Variants in CCSER1 observed in about 807,000 individuals in gnomAD.
The protein encoded by CCSER1 is coiled-coil serine rich protein 1.
CCSER1 carries 41 observed loss-of-function variants against 82.0 expected under a neutral mutation model. The observed-to-expected ratio is 0.50, with a 90% confidence interval of 0.39 to 0.65. The LOEUF is 0.65. Ranked by LOEUF, CCSER1 falls within the 30% of genes least tolerant of loss-of-function variation. CCSER1 has a pLI of 0.00. For missense variants in CCSER1, 1,119 were observed against 1,064.2 expected (o/e 1.05, Z -0.72); for synonymous variants, 414 against 383.9 (o/e 1.08, Z -0.92).
chr4:91,471,762 G>A (rs1368857028), intron 10 of CCSER1, among the ~76,000 whole-genome samples: 1 of 151,944 alleles, frequency 6.6e-6, no homozygotes. Flanking sequence ...TAAAGAAGGA[G>A]ATCAAGACCA....
intron 4 of CCSER1, among the ~76,000 whole-genome samples, chr4:90,402,815 T>A (rs1432580074): frequency 6.6e-6 from 1 of 152,234 alleles, no homozygotes; most frequent in Admixed American, 6.5e-5. Flanking sequence ...ATAATGGTAC[T>A]GTGTACTTCA....
At chr4:91,019,270 C>G (rs1407477548) in intron 9 of CCSER1, among the ~76,000 whole-genome samples, 3 of 151,796 alleles carry the variant, frequency 2.0e-5, no homozygotes, top group East Asian at 3.9e-4. Flanking sequence ...TGGACTGTCT[C>G]TCTCATTTAA....
chr4:90,591,929 C>T (rs1227204135), intron 5 of CCSER1, among the ~76,000 whole-genome samples: 1 of 152,098 alleles, frequency 6.6e-6, no homozygotes, highest in Non-Finnish European at 1.5e-5. Context: ...CACATTAACA[C>T]AGGAAGAGGA....
In CCSER1 at chr4:90,628,137, A is replaced by C. The variant is rs202243228; in HGVS notation, c.1837A>C (p.Asn613His). The stretch of plus-strand genomic sequence containing the variant: ...TTGGCCTCTACAAGGTGTGGAAGAA[A>C]ACGGAGGCATAGATTCTCTGCCATT... ...ADWPLQGVEE[N>H]GGIDSLPFRL... is the part of the protein sequence containing the mutation. The change falls in exon 6 of 11, where the codon AAC becomes CAC. Residue 613 changes from asparagine (N) to histidine (H), a missense_variant. Transcript: ENST00000509176. 3.6e-4 allele frequency: 578 copies of C among 1,613,856 alleles called. 3 individuals carry two copies. Among genetic ancestry groups the C allele is most frequent in the Middle Eastern group, 2.0e-3 (12 of 6,058 alleles).
intron 3 of CCSER1, among the ~76,000 whole-genome samples, chr4:90,331,772 C>T (rs769646855): frequency 4.0e-5 from 6 of 151,274 alleles, no homozygotes; most frequent in Admixed American, 3.3e-4. Context: ...TGTGGACTAC[C>T]ATGAGCCAGA....
Position 90,534,441 on chromosome 4 carries a change from T to TTGTGTGTGTG in CCSER1, c.1724+66126_1724+66135dup, listed in dbSNP as rs376987549. 5.6e-3 allele frequency among the ~76,000 whole-genome samples: 766 copies of TTGTGTGTGTG among 136,452 alleles called. 2 individuals carry two copies. The highest frequency in any genetic ancestry group is 0.015 in the Middle Eastern group (4 of 264). 89.5% of individuals were successfully genotyped at this position (136,452 alleles called of 152,430 possible). On this transcript the variant is annotated intron_variant, in intron 5 of 10. Coordinates refer to ENST00000509176, the MANE Select transcript of CCSER1 (RefSeq NM_001145065.2). ...ACCGAGCCCAGGCTGTGCCAGCCTTTTGTGTGTGTGTGTGTGTGTGTGTGT... is the reference window on the plus strand; with the variant it reads ...ACCGAGCCCAGGCTGTGCCAGCCTTTTGTGTGTGTGTGTGTGTGTGTGTGTGTGTGTGTGT...
At chr4:91,348,945 GC>G (rs1192577369) in intron 10 of CCSER1, among the ~76,000 whole-genome samples, 3 of 151,892 alleles carry the variant, frequency 2.0e-5, no homozygotes, top group Admixed American at 6.6e-5. Flanking sequence ...GTCTCACTCT[GC>G]CCCCCAGGCT....
At chr4:91,377,910 T>A (rs904956630) in intron 10 of CCSER1, among the ~76,000 whole-genome samples, 14 of 152,362 alleles carry the variant, frequency 9.2e-5, no homozygotes, top group African/African-American at 3.4e-4. Context: ...TTAATCCATC[T>A]TGAATTAATT....
At chr4:91,098,710 T>C (rs1455350161) in intron 10 of CCSER1, among the ~76,000 whole-genome samples, 1 of 151,928 alleles carries the variant, frequency 6.6e-6, no homozygotes, top group Non-Finnish European at 1.5e-5. Flanking sequence ...CCCAGCTAAT[T>C]TTTTGTATTT....
At chr4:91,342,942 C>G (rs1747809272) in intron 10 of CCSER1, among the ~76,000 whole-genome samples, 1 of 151,852 alleles carries the variant, frequency 6.6e-6, no homozygotes, top group Admixed American at 6.6e-5. Flanking sequence ...CTCCTTTAAG[C>G]AAAAAATTTA....
chr4:91,232,115 C>A (rs1199790070), intron 10 of CCSER1, among the ~76,000 whole-genome samples: 2 of 151,770 alleles, frequency 1.3e-5, no homozygotes, highest in Non-Finnish European at 3.0e-5. Context: ...GGATATAGAA[C>A]ACACTATAAA....
intron 10 of CCSER1, among the ~76,000 whole-genome samples, chr4:91,586,433 T>G (rs1763997506): frequency 6.6e-6 from 1 of 151,604 alleles, no homozygotes; most frequent in East Asian, 1.9e-4. Flanking sequence ...GTTGGAAAAG[T>G]GCCCAGCAAA....
intron 10 of CCSER1, among the ~76,000 whole-genome samples, chr4:91,124,283 CAT>C (rs1398003322): frequency 6.6e-6 from 1 of 151,674 alleles, no homozygotes; most frequent in Non-Finnish European, 1.5e-5. Flanking sequence ...TGCAACCAAA[CAT>C]AGTGTAAATA....
intron 10 of CCSER1, among the ~76,000 whole-genome samples, chr4:91,262,000 C>G (rs17018283): frequency 6.6e-6 from 1 of 151,690 alleles, no homozygotes; most frequent in Admixed American, 6.6e-5. Flanking sequence ...AATTTTTAAC[C>G]TCTTTCATAA....
At chr4:90,303,587 T>C (rs1258959009) in intron 1 of CCSER1, among the ~76,000 whole-genome samples, 2 of 151,850 alleles carry the variant, frequency 1.3e-5, no homozygotes, top group African/African-American at 2.4e-5. Flanking sequence ...CTGGGAAAAC[T>C]GGCTAGCCAC....
chr4:91,190,607 T>C (rs1734918032), intron 10 of CCSER1, among the ~76,000 whole-genome samples: 1 of 152,182 alleles, frequency 6.6e-6, no homozygotes, highest in South Asian at 2.1e-4. Flanking sequence ...GAGGAAGAAT[T>C]CAGATTCAAA....
intron 5 of CCSER1, among the ~76,000 whole-genome samples, chr4:90,501,691 A>G (rs1172974644): frequency 1.3e-5 from 2 of 152,198 alleles, no homozygotes; most frequent in East Asian, 3.8e-4. Context: ...AAGCTGTACT[A>G]TGTTGTTGTG....
At chr4:91,512,856 CT>C (rs1313339146) in intron 10 of CCSER1, among the ~76,000 whole-genome samples, 2 of 152,056 alleles carry the variant, frequency 1.3e-5, no homozygotes, top group Non-Finnish European at 2.9e-5. Context: ...TTCCAGGAGC[CT>C]TTTGGTGGAG....
intron 5 of CCSER1, among the ~76,000 whole-genome samples, chr4:90,474,788 A>G (rs1444344225): frequency 3.3e-5 from 5 of 152,158 alleles, no homozygotes; most frequent in Non-Finnish European, 1.5e-5. Context: ...GTGAAAAGAG[A>G]ACTGTGTCAA....
Sources: allele counts gnomAD v4.1 joint callset (sites outside exome capture counted in the v4.1 genomes callset), GRCh38; gene constraint gnomAD v4.1.1; transcripts MANE v1.5; gene names NCBI Gene and HGNC (gene_info 2026-07-23, HGNC 2026-07-21).